The following PCDH7 variants were observed in gnomAD, a reference collection of about 807,000 sequenced individuals.
PCDH7 encodes the protein protocadherin 7.
In PCDH7, 17 loss-of-function variants were observed where a neutral mutation model predicts 58.9. The observed-to-expected ratio is 0.29, with a 90% CI of 0.20 to 0.43. PCDH7 has a LOEUF of 0.43. Among genes scored for constraint, PCDH7 ranks in the 20% least tolerant of loss-of-function variants. The probability of loss-of-function intolerance (pLI) is 1.00; values close to 1 mark genes in which losing one functional copy is unlikely to be tolerated. For synonymous variants in PCDH7, 664 were observed against 616.4 expected, an observed-to-expected ratio of 1.08 and a Z score of -1.14; for missense variants, 1,274 against 1,441.0, an observed-to-expected ratio of 0.88 and a Z score of 1.88.
At chr4:30,781,462 C>T (rs1020553717) in intron 1 of PCDH7, among the ~76,000 whole-genome samples, 3 of 151,612 alleles carry the variant, frequency 2.0e-5, no homozygotes, top group African/African-American at 4.8e-5. Context: ...TTTGTAAGTT[C>T]CCAAATCATT....
chr4:30,784,632 T>G, intron 1 of PCDH7, among the ~76,000 whole-genome samples: 1 of 152,088 alleles, frequency 6.6e-6, no homozygotes, highest in East Asian at 1.9e-4. Flanking sequence ...TAAAAAAATG[T>G]TTTTCCTATC....
intron 3 of PCDH7, among the ~76,000 whole-genome samples, chr4:31,049,272 A>AG (rs1336529608): frequency 6.6e-6 from 1 of 152,058 alleles, no homozygotes; most frequent in Non-Finnish European, 1.5e-5. Flanking sequence ...GCTACTTGAA[A>AG]GGGGCTTCAA....
chr4:30,895,708 A>G (rs1322078959), intron 1 of PCDH7, among the ~76,000 whole-genome samples: 1 of 152,070 alleles, frequency 6.6e-6, no homozygotes, highest in Non-Finnish European at 1.5e-5. Flanking sequence ...TCCCCCAAAT[A>G]CAGGAACACT....
intron 1 of PCDH7, among the ~76,000 whole-genome samples, chr4:30,741,161 T>G (rs1717020717): frequency 6.6e-6 from 1 of 152,182 alleles, no homozygotes; most frequent in African/African-American, 2.4e-5. Context: ...GATTTAAAAT[T>G]TTAGACTTCA....
intron 3 of PCDH7, among the ~76,000 whole-genome samples, chr4:31,005,659 C>T (rs1310899274): frequency 6.6e-6 from 1 of 152,072 alleles, no homozygotes; most frequent in Non-Finnish European, 1.5e-5. Flanking sequence ...AAGATTTTAA[C>T]CGTTTTGCAA....
chr4:31,084,823 A>G (rs908885989), intron 3 of PCDH7, among the ~76,000 whole-genome samples: 8 of 150,380 alleles, frequency 5.3e-5, no homozygotes, highest in Non-Finnish European at 7.4e-5. Flanking sequence ...GGCACCACAT[A>G]CTTTTAAACA....
chr4:30,955,877 T>C lies in PCDH7; in HGVS notation c.*7+5662T>C, dbSNP rs371721174. ...GCCATTGTTAAAGGACCTCATAAGA[T>C]AGCAAGTTAGATAAAATGAATTACA... On this transcript the variant is annotated intron_variant, in intron 3 of 3. Transcript: ENST00000509759. Among the ~76,000 whole-genome samples, 26 of 151,748 alleles carry C rather than the reference T, an allele frequency of 1.7e-4. No homozygotes were observed. The South Asian group carries it at 5.5e-3, about 32-fold the overall frequency.
At chr4:30,817,334 A>C (rs1727813719) in intron 1 of PCDH7, among the ~76,000 whole-genome samples, 1 of 152,112 alleles carries the variant, frequency 6.6e-6, no homozygotes, top group Non-Finnish European at 1.5e-5. Context: ...TTTTAGATTC[A>C]TTCTCTATGT....
chr4:30,796,434 G>A (rs1221302037), intron 1 of PCDH7, among the ~76,000 whole-genome samples: 3 of 152,072 alleles, frequency 2.0e-5, no homozygotes, highest in Admixed American at 1.3e-4. Context: ...CTTTAAAAAA[G>A]CAAGAGTTCT....
intron 1 of PCDH7, among the ~76,000 whole-genome samples, chr4:30,912,565 C>T (rs1294663001): frequency 6.6e-6 from 1 of 152,122 alleles, no homozygotes; most frequent in Non-Finnish European, 1.5e-5. Flanking sequence ...ACTGAGACAG[C>T]TGTATGTGAG....
At chr4:30,956,017 T>C (rs1747823879) in intron 3 of PCDH7, among the ~76,000 whole-genome samples, 1 of 146,126 alleles carries the variant, frequency 6.8e-6, no homozygotes, top group African/African-American at 2.5e-5. Context: ...ACCCTGTCTC[T>C]ACTGAAAATA....
intron 1 of PCDH7, among the ~76,000 whole-genome samples, chr4:30,902,692 A>G (rs971577624): frequency 2.6e-5 from 4 of 152,140 alleles, no homozygotes; most frequent in Non-Finnish European, 5.9e-5. Flanking sequence ...GAAAAAAAAG[A>G]GACTTGAAAA....
intron 1 of PCDH7, among the ~76,000 whole-genome samples, chr4:30,851,845 A>G (rs1328395172): frequency 1.4e-4 from 22 of 152,118 alleles, no homozygotes; most frequent in Admixed American, 1.4e-3. Context: ...GTATTGGGAT[A>G]TATTTACCTA....
At chr4:30,939,597 G>A in intron 2 of PCDH7, among the ~76,000 whole-genome samples, 1 of 151,970 alleles carries the variant, frequency 6.6e-6, no homozygotes, top group Non-Finnish European at 1.5e-5. Context: ...TAAAATACTT[G>A]GTAATGTAAA....
intron 3 of PCDH7, among the ~76,000 whole-genome samples, chr4:31,139,343 G>A (rs138600101): frequency 3.3e-5 from 5 of 152,222 alleles, no homozygotes; most frequent in African/African-American, 7.2e-5. Context: ...TAAGATTTGT[G>A]ATCAAGTGTC....
chr4:31,118,315 C>T (rs952654424), intron 3 of PCDH7, among the ~76,000 whole-genome samples: 10 of 152,110 alleles, frequency 6.6e-5, no homozygotes, highest in East Asian at 1.9e-4. Context: ...TTGATATCAG[C>T]GACTGGGAAC....
At chr4:30,977,756 C>T (rs780427792) in intron 3 of PCDH7, among the ~76,000 whole-genome samples, 20 of 152,132 alleles carry the variant, frequency 1.3e-4, no homozygotes, top group East Asian at 3.9e-4. Flanking sequence ...CTCTTTATCA[C>T]TCAGCCTAAG....
chr4:30,791,243 C>A (rs1310356961), intron 1 of PCDH7, among the ~76,000 whole-genome samples: 1 of 152,074 alleles, frequency 6.6e-6, no homozygotes, highest in East Asian at 1.9e-4. Context: ...ATTAAGAGTG[C>A]AGTGTCTGGA....
intron 3 of PCDH7, among the ~76,000 whole-genome samples, chr4:30,968,111 T>C (rs1159010327): frequency 4.0e-5 from 6 of 151,876 alleles, no homozygotes; most frequent in Non-Finnish European, 8.8e-5. Flanking sequence ...AAGGACACTA[T>C]GTCGTCTCCA....
Sources: allele counts gnomAD v4.1 joint callset (sites outside exome capture counted in the v4.1 genomes callset), GRCh38; gene constraint gnomAD v4.1.1; transcripts MANE v1.5; gene names NCBI Gene and HGNC (gene_info 2026-07-23, HGNC 2026-07-21).